Variants in PPP2R2C observed in about 807,000 individuals in gnomAD.
The protein encoded by PPP2R2C is protein phosphatase 2 regulatory subunit Bgamma, also known as protein phosphatase 2, regulatory subunit B, gamma.
PPP2R2C carries 10 observed loss-of-function variants against 45.3 expected under a neutral mutation model. That is an observed-to-expected ratio of 0.22 (90% CI 0.14 to 0.37). The LOEUF (loss-of-function observed/expected upper bound fraction) is 0.37. Among genes scored for constraint, PPP2R2C ranks in the 10% least tolerant of loss-of-function variants. The probability of loss-of-function intolerance (pLI) is 1.00; values close to 1 mark genes in which losing one functional copy is unlikely to be tolerated. For missense variants in PPP2R2C, 308 were observed against 619.7 expected, an observed-to-expected ratio of 0.50 and a Z score of 5.34; for synonymous variants, 257 against 245.4, an observed-to-expected ratio of 1.05 and a Z score of -0.44.
At chr4:6,327,218 G>T (rs373913421) in intron 8 of PPP2R2C, among the ~76,000 whole-genome samples, 1 of 152,218 alleles carries the variant, frequency 6.6e-6, no homozygotes, top group South Asian at 2.1e-4. Flanking sequence ...CACCCATTGC[G>T]GGAGGCAAAC....
chr4:6,561,960 GCA>G (rs1725591664), intron 1 of PPP2R2C, among the ~76,000 whole-genome samples: 1 of 152,218 alleles, frequency 6.6e-6, no homozygotes, highest in African/African-American at 2.4e-5. Flanking sequence ...GATTTGCCAA[GCA>G]CAGTCAGTGT....
chr4:6,428,555 G>T (rs1002566390), intron 1 of PPP2R2C, among the ~76,000 whole-genome samples: 2 of 152,214 alleles, frequency 1.3e-5, no homozygotes, highest in African/African-American at 4.8e-5. Context: ...AGGGGCCAGG[G>T]CCTCCTCCAT....
At chr4:6,406,219 C>T (rs928447431) in intron 1 of PPP2R2C, among the ~76,000 whole-genome samples, 1 of 152,180 alleles carries the variant, frequency 6.6e-6, no homozygotes, top group African/African-American at 2.4e-5. Flanking sequence ...AAATTGACTC[C>T]CCTCCAAAGG....
chr4:6,529,986 G>A (rs2108821457), intron 2 of PPP2R2C, among the ~76,000 whole-genome samples: 1 of 152,232 alleles, frequency 6.6e-6, no homozygotes, highest in Non-Finnish European at 1.5e-5. Context: ...CTCAGTGCTG[G>A]GGGAAGCAGC....
chr4:6,450,698 G>A (rs1720692120), intron 1 of PPP2R2C, among the ~76,000 whole-genome samples: 2 of 152,166 alleles, frequency 1.3e-5, no homozygotes, highest in African/African-American at 4.8e-5. Flanking sequence ...GTGTCTGCAG[G>A]CCTGGGTTAA....
intron 1 of PPP2R2C, among the ~76,000 whole-genome samples, chr4:6,551,041 T>C (rs2108839893): frequency 1.3e-5 from 2 of 152,214 alleles, no homozygotes; most frequent in East Asian, 3.9e-4. Flanking sequence ...TGGAGCCTGG[T>C]GGTTATGCAC....
intron 5 of PPP2R2C, among the ~76,000 whole-genome samples, chr4:6,352,384 C>T (rs1012210386): frequency 2.6e-5 from 4 of 152,206 alleles, no homozygotes; most frequent in East Asian, 3.8e-4. Context: ...TCATGATACC[C>T]GCCTAAATCC....
chr4:6,515,326 A>C (rs1471566927), intron 2 of PPP2R2C, among the ~76,000 whole-genome samples: 1 of 152,198 alleles, frequency 6.6e-6, no homozygotes. Flanking sequence ...TGGGAAGAGC[A>C]TTCAACAAGT....
intron 1 of PPP2R2C, among the ~76,000 whole-genome samples, chr4:6,466,722 C>T (rs1227262647): frequency 6.6e-6 from 1 of 152,128 alleles, no homozygotes; most frequent in African/African-American, 2.4e-5. Context: ...CTTAGCTCTG[C>T]AAGCTTTAAG....
At chr4:6,478,833 T>C (rs893799682) in intron 2 of PPP2R2C, among the ~76,000 whole-genome samples, 4 of 152,218 alleles carry the variant, frequency 2.6e-5, no homozygotes, top group African/African-American at 9.6e-5. Flanking sequence ...TGACCCCTGT[T>C]ATCTTCTTCC....
In PPP2R2C at chr4:6,471,255, G is replaced by C. The variant is rs1245005482; in HGVS notation, c.70+905C>G. 1.3e-5 allele frequency among the ~76,000 whole-genome samples: 2 copies of C among 152,136 alleles called. No homozygotes were observed. The highest frequency in any genetic ancestry group is 2.9e-5 in the Non-Finnish European group (2 of 68,018). ...GTCCCCGCACTCGGGCAGGGCTCCAGCACAGGCGGCCCCGAGCCCAGACCT... is the reference window on the plus strand; with the variant it reads ...GTCCCCGCACTCGGGCAGGGCTCCACCACAGGCGGCCCCGAGCCCAGACCT... On this transcript the variant is annotated intron_variant, in intron 1 of 8. Transcript: ENST00000382599. This position sits in a 1 kb window ranked among gnomAD's most constrained non-coding sequence, Gnocchi z 5.6.
rs1227507392 is a variant in PPP2R2C at position 6,331,493 on chromosome 4, A to T, written c.960+2069T>A. On this transcript the variant is annotated intron_variant, in intron 7 of 8. Coordinates refer to ENST00000382599, the MANE Select transcript of PPP2R2C (RefSeq NM_020416.4). This position sits in a 1 kb window ranked among gnomAD's most constrained non-coding sequence, Gnocchi z 5.9. ...CAACCACAGAGGCTGTTAAACCATT[A>T]ATCTTCCCAGCCACTATGGTGGCTG... Among the ~76,000 whole-genome samples, 2 of 152,060 alleles carry T rather than the reference A, an allele frequency of 1.3e-5. No homozygotes were observed. The highest frequency in any genetic ancestry group is 4.8e-5 in the African/African-American group (2 of 41,382).
intron 2 of PPP2R2C, among the ~76,000 whole-genome samples, chr4:6,517,563 T>C (rs1397897926): frequency 6.6e-6 from 1 of 152,010 alleles, no homozygotes; most frequent in Non-Finnish European, 1.5e-5. Context: ...ATTTTGCAAA[T>C]GAAGAAACTG....
intron 2 of PPP2R2C, among the ~76,000 whole-genome samples, chr4:6,500,129 A>T (rs191182808): frequency 5.8e-4 from 88 of 152,320 alleles, no homozygotes; most frequent in Non-Finnish European, 1.1e-3. Context: ...TTAAGATTGC[A>T]GTGGCAGAAG....
chr4:6,414,092 G>C (rs1160317026), intron 1 of PPP2R2C: 1 of 1,242,498 alleles, frequency 8.0e-7, no homozygotes, highest in African/African-American at 1.5e-5. Context: ...GTGTGTGTGT[G>C]TGTGTGTGTG....
intron 1 of PPP2R2C, among the ~76,000 whole-genome samples, chr4:6,549,954 T>C (rs1201639423): frequency 6.6e-6 from 1 of 152,136 alleles, no homozygotes; most frequent in Non-Finnish European, 1.5e-5. Context: ...TAAAGTGACA[T>C]AACCAGCCCT....
At chr4:6,393,957 GAGGCCA>G (rs1365829961) in intron 1 of PPP2R2C, among the ~76,000 whole-genome samples, 1 of 152,226 alleles carries the variant, frequency 6.6e-6, no homozygotes, top group African/African-American at 2.4e-5. Flanking sequence ...CAGGCAGCCT[GAGGCCA>G]GCAGCTGGCC....
intron 1 of PPP2R2C, among the ~76,000 whole-genome samples, chr4:6,392,440 G>A (rs1716709809): frequency 6.6e-6 from 1 of 152,138 alleles, no homozygotes; most frequent in South Asian, 2.1e-4. Context: ...TGGCATGGGA[G>A]GGGTGGGAGG....
chr4:6,490,013 C>T (rs926005421), intron 2 of PPP2R2C, among the ~76,000 whole-genome samples: 11 of 152,158 alleles, frequency 7.2e-5, no homozygotes, highest in African/African-American at 2.7e-4. Flanking sequence ...CAGTTTGGCC[C>T]AGGAGGAAAA....
Sources: allele counts gnomAD v4.1 joint callset (sites outside exome capture counted in the v4.1 genomes callset), GRCh38; gene constraint gnomAD v4.1.1; non-coding constraint Gnocchi (gnomAD v3.1); transcripts MANE v1.5; gene names NCBI Gene and HGNC (gene_info 2026-07-23, HGNC 2026-07-21).